Variants in LPIN2 observed in about 807,000 individuals in gnomAD.
The protein encoded by LPIN2 is lipin 2, also known as phosphatidate phosphatase LPIN2.
LPIN2 carries 55 observed loss-of-function variants against 111.4 expected under a neutral mutation model. The ratio of observed to expected loss-of-function variants is 0.49; its 90% CI spans 0.40 to 0.62. The LOEUF (loss-of-function observed/expected upper bound fraction) is 0.62, where lower values mean the gene tolerates loss of function less well. Among genes scored for constraint, LPIN2 ranks in the 20% least tolerant of loss-of-function variants. LPIN2 has a pLI of 0.00. For missense variants in LPIN2, 992 were observed against 1,112.1 expected (o/e 0.89, Z 1.54); for synonymous variants, 425 against 414.0 (o/e 1.03, Z -0.32).
intron 9 of LPIN2, 32 bp downstream of exon 9, chr18:2,931,224 A>C: frequency 3.7e-6 from 6 of 1,610,026 alleles, no homozygotes; most frequent in Non-Finnish European, 5.1e-6. Context: ...TTGCTCTCTG[A>C]AATGAAGATG....
intron 1 of LPIN2, among the ~76,000 whole-genome samples, chr18:2,995,870 T>C (rs2078332575): frequency 6.6e-6 from 1 of 152,184 alleles, no homozygotes; most frequent in Non-Finnish European, 1.5e-5. Flanking sequence ...ATAGATGAAA[T>C]GTATATGCTG....
chr18:2,982,675 C>A, intron 1 of LPIN2: 4 of 1,299,022 alleles, frequency 3.1e-6, no homozygotes, highest in Middle Eastern at 2.1e-4. Context: ...CACCAAGATA[C>A]CAGGAGGGGA....
intron 1 of LPIN2, among the ~76,000 whole-genome samples, chr18:2,962,945 C>T (rs926097027): frequency 1.3e-5 from 2 of 152,192 alleles, no homozygotes; most frequent in Admixed American, 6.5e-5. Flanking sequence ...TCAACTACAG[C>T]ATAAAATTCA....
chr18:3,005,676 T>TC (rs1371309957), intron 1 of LPIN2, among the ~76,000 whole-genome samples: 1 of 146,910 alleles, frequency 6.8e-6, no homozygotes, highest in African/African-American at 2.5e-5. Context: ...GACACTATCT[T>TC]ACACACACAC....
intron 1 of LPIN2, chr18:2,982,733 C>A (rs1452797041): frequency 3.8e-6 from 5 of 1,303,224 alleles, no homozygotes; most frequent in Non-Finnish European, 5.1e-6. Context: ...CCTTTACAAA[C>A]CACCTCATCT....
intron 1 of LPIN2, among the ~76,000 whole-genome samples, chr18:3,003,123 T>C (rs1381115328): frequency 6.6e-6 from 1 of 152,214 alleles, no homozygotes; most frequent in African/African-American, 2.4e-5. Context: ...GAGTAAATGA[T>C]ACATCAAAAG....
In LPIN2 at chr18:2,962,857, C is replaced by T. The variant is rs192021824; in HGVS notation, c.-9-2008G>A. ...ATGTTAGACCTTTTCTTAAAATAAA[C>T]AAAAAAATGCTAACTTTTAAGCATT... On this transcript the variant is annotated intron_variant, in intron 1 of 19. Transcript: ENST00000677752. Among the ~76,000 whole-genome samples, 50 of 151,470 alleles carry T rather than the reference C, an allele frequency of 3.3e-4. No individual in the cohort carries two copies. In the East Asian group the frequency reaches 9.1e-3, roughly 28 times the overall value.
intron 8 of LPIN2, among the ~76,000 whole-genome samples, chr18:2,933,292 C>G (rs1418823822): frequency 6.6e-6 from 1 of 152,112 alleles, no homozygotes; most frequent in African/African-American, 2.4e-5. Flanking sequence ...CTTAGTTACT[C>G]TCCTCACTTT....
chr18:2,934,346 T>A lies in LPIN2; in HGVS notation c.1268+5A>T. 1 of 1,595,182 alleles carries A rather than the reference T, an allele frequency of 6.3e-7. No individual in the cohort carries two copies. The highest frequency in any genetic ancestry group is 8.6e-7 in the Non-Finnish European group (1 of 1,162,980). ...CTGTCCTTCAATAAATAAGGACCAC[T>A]CTACCTTTTAGGGAAATAAAGAGCT... On this transcript the variant is annotated splice_donor_5th_base_variant and intron_variant, in intron 8 of 19. Transcript: ENST00000677752.
At chr18:3,010,749 G>A (rs1456398906) in intron 1 of LPIN2, among the ~76,000 whole-genome samples, 1 of 152,170 alleles carries the variant, frequency 6.6e-6, no homozygotes, top group Non-Finnish European at 1.5e-5. Flanking sequence ...CAACTAACAA[G>A]ACAAAGCCTC....
At chr18:3,008,920 G>A (rs901102764) in intron 1 of LPIN2, among the ~76,000 whole-genome samples, 8 of 128,912 alleles carry the variant, frequency 6.2e-5, no homozygotes, top group African/African-American at 2.5e-4. Flanking sequence ...GTCTTGCCAT[G>A]TTGTCCAGGC....
At chr18:2,986,211 C>T (rs1024989070) in intron 1 of LPIN2, among the ~76,000 whole-genome samples, 5 of 152,214 alleles carry the variant, frequency 3.3e-5, no homozygotes, top group African/African-American at 1.2e-4. Flanking sequence ...CCTCTTGCTA[C>T]CACTCTTGGG....
chr18:2,953,007 T>C (rs916779808), intron 3 of LPIN2, among the ~76,000 whole-genome samples: 1 of 152,352 alleles, frequency 6.6e-6, no homozygotes, highest in South Asian at 2.1e-4. Flanking sequence ...CTACTCTAAA[T>C]GACGAACCCC....
intron 7 of LPIN2, among the ~76,000 whole-genome samples, chr18:2,936,492 G>C (rs536703778): frequency 6.6e-6 from 1 of 152,302 alleles, no homozygotes; most frequent in East Asian, 1.9e-4. Flanking sequence ...TGTCACATGG[G>C]TTAGAGTGCA....
intron 15 of LPIN2, 105 bp downstream of exon 15, chr18:2,924,293 G>GC (rs2077099130): frequency 7.0e-7 from 1 of 1,438,464 alleles, no homozygotes; most frequent in Non-Finnish European, 9.8e-7. Flanking sequence ...AAATGCCTTG[G>GC]CTGAGGGCTT....
rs377070550 is a variant in LPIN2 at position 3,001,103 on chromosome 18, T to C, written c.-10+11984A>G. Among the ~76,000 whole-genome samples the C allele has an allele frequency of 9.2e-5, 14 of 152,258 alleles. No homozygotes were observed. In the East Asian group the frequency reaches 2.1e-3, roughly 23 times the overall value. On this transcript the variant is annotated intron_variant, in intron 1 of 19. Transcript: ENST00000677752. ...TAGCATTCTATAGCTAGCCTATCAGTTGGGTAGGAGGCTCAAATAAAGACA... is the reference window on the plus strand; with the variant it reads ...TAGCATTCTATAGCTAGCCTATCAGCTGGGTAGGAGGCTCAAATAAAGACA...
At chr18:3,002,487 C>T (rs964120010) in intron 1 of LPIN2, among the ~76,000 whole-genome samples, 7 of 152,082 alleles carry the variant, frequency 4.6e-5, no homozygotes, top group Non-Finnish European at 7.4e-5. Context: ...GCTTTCTAGA[C>T]GTCCCATTCT....
rs2077138272 is a variant in LPIN2 at position 2,926,780 on chromosome 18, G to C, written c.1736C>G (p.Ser579Cys). The change falls in exon 13 of 20, where the codon TCT becomes TGT. Residue 579 changes from serine to cysteine, a missense_variant. Ser to Cys is a moderately radical substitution (Grantham distance 112). This residue lies in a region of LPIN2 where 709 missense variants were observed against 753.2 expected (regional missense o/e 0.94). Transcript: ENST00000677752. Reference protein sequence around the residue: ...KQLPESKEGKSEAPPASDLPS... With the variant: ...KQLPESKEGKCEAPPASDLPS... ...CAGGTCACTGGCTGGCGGTGCCTCA[G>C]ATTTTCCCTCCTTGGATTCTGGCAG... is the stretch of plus-strand genomic sequence containing the variant. 6.2e-7 allele frequency: 1 copy of C among 1,613,810 alleles called. No homozygotes were observed. The highest frequency in any genetic ancestry group is 8.5e-7 in the Non-Finnish European group (1 of 1,180,004).
chr18:2,983,190 G>A (rs1006411924), intron 1 of LPIN2, among the ~76,000 whole-genome samples: 2 of 152,202 alleles, frequency 1.3e-5, no homozygotes, highest in African/African-American at 4.8e-5. Context: ...AGCTAATCAT[G>A]TAAGGGAAGT....
Sources: gnomAD v4.1 joint callset for allele counts (sites outside exome capture counted in the v4.1 genomes callset) on GRCh38, gnomAD v4.1.1 for gene constraint, gnomAD v4.1.1 regional missense constraint, MANE v1.5 for transcripts, NCBI Gene and HGNC (gene_info 2026-07-23, HGNC 2026-07-21) for gene names.